MCFD2: variants seen among roughly 807,000 people sequenced by gnomAD.
The protein encoded by MCFD2 is multiple coagulation factor deficiency 2, ER cargo receptor complex subunit, also known as multiple coagulation factor deficiency protein 2.
A neutral mutation model predicts 12.8 loss-of-function variants in MCFD2; 11 were observed. The observed-to-expected ratio is 0.86, with a 90% CI of 0.54 to 1.42. The LOEUF is 1.42. Among genes scored for constraint, MCFD2 ranks in the 40% most tolerant of loss-of-function variants. The pLI, the probability that MCFD2 is intolerant of heterozygous loss-of-function variation, is 0.00. For synonymous variants in MCFD2, 70 were observed against 68.1 expected (o/e 1.03, Z -0.14); for missense variants, 191 against 178.6 (o/e 1.07, Z -0.40).
In MCFD2 at chr2:46,908,798, A is replaced by T; in HGVS notation, c.149+225T>A. 1.7e-6 allele frequency: 1 copy of T among 597,396 alleles called. No homozygotes were observed. Among genetic ancestry groups the T allele is most frequent in the Non-Finnish European group, 3.0e-6 (1 of 337,836 alleles). The allele number at this position is 597,396 out of a possible 1,614,324, so 37.0% of individuals were successfully genotyped here. On this transcript the variant is annotated intron_variant, in intron 2 of 3. Coordinates refer to ENST00000319466, the MANE Select transcript of MCFD2 (RefSeq NM_139279.6). The surrounding 1 kb of genome is among the most constrained non-coding windows in gnomAD (Gnocchi z 4.5). ...AAAAAGGAGAGACCGGATTCAGACA[A>T]GTAATGTGCCCCATTTGGGCCTAAA...
upstream of MCFD2, chr2:46,916,510 C>T (rs1206226574): frequency 6.6e-6 from 1 of 152,426 alleles, no homozygotes; most frequent in Admixed American, 6.5e-5. Context: ...ATACATCATC[C>T]CTGTATCGAA....
In MCFD2 at chr2:46,940,194, CACTT is replaced by C. The variant is rs1670212275; in HGVS notation, c.-8+1374_-8+1377del. ...TCCCTCGGTTACAGTTGTCCAAAAA[CACTT>C]AGGGCAGTGGTGAAGACTCCAGAGG... On this transcript the variant is annotated intron_variant, in intron 1 of 2. Coordinates refer to the MCFD2 transcript ENST00000409147. This position sits in a 1 kb window ranked among gnomAD's most constrained non-coding sequence, Gnocchi z 4.7. 6.6e-6 allele frequency among the ~76,000 whole-genome samples: 1 copy of C among 152,140 alleles called. No homozygotes were observed.
intron 1 of MCFD2, among the ~76,000 whole-genome samples, chr2:46,930,356 C>A (rs1026462933): frequency 6.7e-6 from 1 of 149,764 alleles, no homozygotes; most frequent in Non-Finnish European, 1.5e-5. Context: ...ATAAATTCTA[C>A]GAACACTTAA....
chr2:46,912,023 C>T (rs1328350371), intron 1 of MCFD2, among the ~76,000 whole-genome samples: 1 of 152,162 alleles, frequency 6.6e-6, no homozygotes, highest in East Asian at 1.9e-4. Context: ...ACTACACTTC[C>T]AATTTTACCA....
intron 1 of MCFD2, among the ~76,000 whole-genome samples, chr2:46,910,128 A>G (rs11894319): frequency 0.12 from 18,653 of 152,142 alleles, 1,654 homozygotes; most frequent in African/African-American, 0.24. Flanking sequence ...TGCCATCAGG[A>G]ACTCCCAGGG....
chr2:46,932,756 C>T (rs1179441776), intron 1 of MCFD2, among the ~76,000 whole-genome samples: 3 of 151,582 alleles, frequency 2.0e-5, no homozygotes, highest in Non-Finnish European at 4.4e-5. Flanking sequence ...CAAAAATTAG[C>T]CAAGAGTGGT....
In MCFD2 at chr2:46,908,786, C is replaced by A. The variant is rs528658335; in HGVS notation, c.149+237G>T. ...GTCTGTGGTGAAAAAAAGGAGAGACCGGATTCAGACAAGTAATGTGCCCCA... is the reference window on the plus strand; with the variant it reads ...GTCTGTGGTGAAAAAAAGGAGAGACAGGATTCAGACAAGTAATGTGCCCCA... On this transcript the variant is annotated intron_variant, in intron 2 of 3. Coordinates refer to ENST00000319466, the MANE Select transcript of MCFD2 (RefSeq NM_139279.6). This position sits in a 1 kb window ranked among gnomAD's most constrained non-coding sequence, Gnocchi z 4.5. 1 of 565,758 alleles carries A rather than the reference C, an allele frequency of 1.8e-6. No homozygotes were observed. Among genetic ancestry groups the A allele is most frequent in the Non-Finnish European group, 3.2e-6 (1 of 316,718 alleles). 35.0% of individuals were successfully genotyped at this position (565,758 alleles called of 1,614,324 possible). A position where few individuals can be genotyped will look rare whatever the true frequency, so the allele number is the denominator to read the frequency against.
upstream of MCFD2, chr2:46,916,153 C>A (rs894503497): frequency 4.1e-6 from 4 of 985,436 alleles, no homozygotes; most frequent in East Asian, 2.3e-4. Flanking sequence ...ACTCCGCTCA[C>A]CCCCTCCTAT....
At chr2:46,916,103 T>TGGCGGATCCGGATGG (rs1668774141), upstream of MCFD2, 3 of 985,436 alleles carry the variant, frequency 3.0e-6, no homozygotes, top group Admixed American at 1.2e-4. Flanking sequence ...CGACGTAGGA[T>TGGCGGATCCGGATGG]GGCGGATCCG....
intron 3 of MCFD2, 101 bp from the exon 4 acceptor site, chr2:46,905,695 TAAAAAAAAAA>T (rs59068176): frequency 5.9e-6 from 3 of 509,008 alleles, no homozygotes; most frequent in South Asian, 4.2e-5. Context: ...CACTGTTTAT[TAAAAAAAAAA>T]AAAAAAAAAA....
Position 46,941,131 on chromosome 2 carries a change from G to A in MCFD2, c.-8+441C>T, listed in dbSNP as rs909995421. 5.7e-4 allele frequency: 85 copies of A among 148,000 alleles called. No homozygotes were observed. Among genetic ancestry groups the A allele is most frequent in the African/African-American group, 1.9e-3 (78 of 40,968 alleles). 9.2% of individuals were successfully genotyped at this position (148,000 alleles called of 1,614,324 possible). On this transcript the variant is annotated intron_variant, in intron 1 of 2. Coordinates refer to the MCFD2 transcript ENST00000409147. This position sits in a 1 kb window ranked among gnomAD's most constrained non-coding sequence, Gnocchi z 4.2. ...GGCCGCGCTGGCAGCCAGCGAGCCCGGCTCGCCGAGGCCTCCCCACGCCCC... is the reference window on the plus strand; with the variant it reads ...GGCCGCGCTGGCAGCCAGCGAGCCCAGCTCGCCGAGGCCTCCCCACGCCCC...
chr2:46,932,318 T>G (rs2103845452), intron 1 of MCFD2, among the ~76,000 whole-genome samples: 1 of 152,140 alleles, frequency 6.6e-6, no homozygotes, highest in Non-Finnish European at 1.5e-5. Context: ...TTGGCTAATT[T>G]TTGTATTTTT....
chr2:46,905,810 G>A, intron 3 of MCFD2: 1 of 630,666 alleles, frequency 1.6e-6, no homozygotes. Context: ...TATATAGAGA[G>A]AGAATATGTA....
rs796293904 is a variant in MCFD2, at chr2:46,935,259, G to C, written c.-8+6313C>G. 8.5e-5 allele frequency among the ~76,000 whole-genome samples: 13 copies of C among 152,056 alleles called. 1 individual carries two copies. The highest frequency in any genetic ancestry group is 3.1e-4 in the African/African-American group (13 of 41,476). On this transcript the variant is annotated intron_variant, in intron 1 of 2. Transcript: ENST00000409147. ...ATTACAAATGTGAGCCATGACAACTGTTCCTCCCCACACTCTTTCATCCTG... is the reference window on the plus strand; with the variant it reads ...ATTACAAATGTGAGCCATGACAACTCTTCCTCCCCACACTCTTTCATCCTG...
chr2:46,915,847 C>T (rs1668745929), upstream of MCFD2: 2 of 953,704 alleles, frequency 2.1e-6, no homozygotes, highest in South Asian at 1.0e-4. Flanking sequence ...TGCGCACGCG[C>T]GCTCCCTGCC....
chr2:46,941,724 C>T lies in MCFD2; in HGVS notation c.-160G>A. The stretch of plus-strand genomic sequence containing the variant: ...GCGCAGCGTTCACCTTTCCGGACAC[C>T]GGTGAGTAAGGGAAGAGGCTGGCTC... On this transcript the variant is annotated 5_prime_UTR_variant, in exon 1 of 3. Transcript: ENST00000409147. This position sits in a 1 kb window ranked among gnomAD's most constrained non-coding sequence, Gnocchi z 4.2. 6.5e-7 allele frequency: 1 copy of T among 1,549,826 alleles called. No homozygotes were observed. Among genetic ancestry groups the T allele is most frequent in the Non-Finnish European group, 8.7e-7 (1 of 1,146,920 alleles).
Position 46,908,847 on chromosome 2 carries a change from A to G in MCFD2, c.149+176T>C. 1.2e-6 allele frequency: 1 copy of G among 811,948 alleles called. No individual in the cohort carries two copies. Among genetic ancestry groups the G allele is most frequent in the East Asian group, 2.7e-5 (1 of 37,180 alleles). The allele number at this position is 811,948 out of a possible 1,614,324, so 50.3% of individuals were successfully genotyped here. ...AAGATCTTCCACCTGTGATACAATG[A>G]TGAAAAAAGAATACCTGACTTATAG... On this transcript the variant is annotated intron_variant, in intron 2 of 3. Coordinates refer to ENST00000319466, the MANE Select transcript of MCFD2 (RefSeq NM_139279.6). This position sits in a 1 kb window ranked among gnomAD's most constrained non-coding sequence, Gnocchi z 4.5.
chr2:46,907,289 T>G lies in MCFD2; in HGVS notation c.309+521A>C, dbSNP rs1668283343. 1 of 178,552 alleles carries G rather than the reference T, an allele frequency of 5.6e-6. No homozygotes were observed. Among genetic ancestry groups the G allele is most frequent in the Admixed American group, 5.5e-5 (1 of 18,338 alleles). 11.1% of individuals were successfully genotyped at this position (178,552 alleles called of 1,614,324 possible). A position where few individuals can be genotyped will look rare whatever the true frequency, so the allele number is the denominator to read the frequency against. The stretch of plus-strand genomic sequence containing the variant: ...AGATACAAATGCCCAGCCCTGGGAC[T>G]TCTGCCTCAGCAAGTTATCCTTTGC... On this transcript the variant is annotated intron_variant, in intron 3 of 3. Coordinates refer to ENST00000319466, the MANE Select transcript of MCFD2 (RefSeq NM_139279.6). This position sits in a 1 kb window ranked among gnomAD's most constrained non-coding sequence, Gnocchi z 4.1.
Position 46,907,559 on chromosome 2 carries a change from A to C in MCFD2, c.309+251T>G. 1 of 483,956 alleles carries C rather than the reference A, an allele frequency of 2.1e-6. No individual in the cohort carries two copies. 30.0% of individuals were successfully genotyped at this position (483,956 alleles called of 1,614,324 possible). A position where few individuals can be genotyped will look rare whatever the true frequency, so the allele number is the denominator to read the frequency against. ...ACTACCAGGCCTGGCTAATTTTTTA[A>C]TTTTTGTTTTGTTTGTTTTGTAGAG... is the stretch of plus-strand genomic sequence containing the variant. On this transcript the variant is annotated intron_variant, in intron 3 of 3. Transcript: ENST00000319466. This position sits in a 1 kb window ranked among gnomAD's most constrained non-coding sequence, Gnocchi z 4.1.
Sources: allele counts gnomAD v4.1 joint callset (sites outside exome capture counted in the v4.1 genomes callset), GRCh38; gene constraint gnomAD v4.1.1; non-coding constraint Gnocchi (gnomAD v3.1); transcripts MANE v1.5; gene names NCBI Gene and HGNC (gene_info 2026-07-23, HGNC 2026-07-21).